The following TRNT1 variants were observed in gnomAD, a reference collection of about 807,000 sequenced individuals.
The protein encoded by TRNT1 is tRNA nucleotidyl transferase 1.
In TRNT1, 44 loss-of-function variants were observed where a neutral mutation model predicts 45.6. That is an observed-to-expected ratio of 0.97 (90% CI 0.76 to 1.24). TRNT1 has a LOEUF of 1.24. TRNT1 is among the 50% of genes most tolerant of loss of function. The probability of loss-of-function intolerance (pLI) is 0.00; values close to 1 mark genes in which losing one functional copy is unlikely to be tolerated. For synonymous variants in TRNT1, 201 were observed against 171.4 expected (o/e 1.17, Z -1.35); for missense variants, 633 against 504.4 (o/e 1.25, Z -2.44).
chr3:3,152,827 T>A (rs780436189), downstream of TRNT1: 1 of 546,384 alleles, frequency 1.8e-6, no homozygotes, highest in Non-Finnish European at 3.3e-6. Flanking sequence ...GAAATAGTAC[T>A]TGTTTTTAAA....
downstream of TRNT1, chr3:3,150,849 T>A (rs563799135): frequency 3.2e-5 from 51 of 1,611,302 alleles, no homozygotes; most frequent in African/African-American, 2.3e-4. Flanking sequence ...GATAACTTTA[T>A]CTCTATCACA....
Position 3,137,423 on chromosome 3 carries a change from A to C in TRNT1, c.312A>C (p.Arg104Ser). 1 of 1,613,238 alleles carries C rather than the reference A, an allele frequency of 6.2e-7. No homozygotes were observed. Among genetic ancestry groups the C allele is most frequent in the Non-Finnish European group, 8.5e-7 (1 of 1,179,658 alleles). Residue 104 changes from arginine (R) to serine (S), a missense_variant, in exon 3 of 8, where the codon AGA (arginine) becomes AGC (serine). Arg to Ser is a moderately radical substitution (Grantham distance 110). Transcript: ENST00000251607. ...QSAGIRMINN[R>S]GEKHGTITAR... ...CTGGGATTCGGATGATAAACAACAG[A>C]GGAGAAAAGCACGGAACAATTACTG...
At position 3,148,318 on chromosome 3, in the gene TRNT1, C is replaced by CAGAG. The variant is rs1271252727; in HGVS notation, c.*166_*169dup. ...TGAATTATATATTTCAAGAACTAAA[C>CAGAG]AGAGATCCACCTTTCTGGATCTGAT... On this transcript the variant is annotated 3_prime_UTR_variant, in exon 8 of 8. Coordinates refer to ENST00000251607, the MANE Select transcript of TRNT1 (RefSeq NM_182916.3). The CAGAG allele has an allele frequency of 1.5e-6, 1 of 659,102 alleles. No individual in the cohort carries two copies. Among genetic ancestry groups the CAGAG allele is most frequent in the Non-Finnish European group, 2.5e-6 (1 of 401,184 alleles). 40.8% of individuals were successfully genotyped at this position (659,102 alleles called of 1,614,324 possible).
chr3:3,136,462 A>C (rs1445167589), intron 2 of TRNT1, among the ~76,000 whole-genome samples: 1 of 152,182 alleles, frequency 6.6e-6, no homozygotes, highest in Non-Finnish European at 1.5e-5. Context: ...TATACAGACC[A>C]TTTCTTGAAG....
rs1575066836 is a variant in TRNT1 at position 3,147,507 on chromosome 3, GT to G, written c.865del (p.Ser289HisfsTer5). On this transcript the variant is annotated frameshift_variant, in exon 7 of 8. Transcript: ENST00000251607. LOFTEE classifies it high-confidence loss of function. ...EFDKVSKNVD[G>X]FSPKPVTLLA... is the part of the protein sequence containing the mutation. Reference sequence around the variant, plus strand: ...GACAAAGTCAGTAAAAATGTTGATGGTTTTTCACCAAAGCCAGTGACTCTTT... The same window carrying G: ...GACAAAGTCAGTAAAAATGTTGATGGTTTTCACCAAAGCCAGTGACTCTTT... 1.2e-5 allele frequency: 20 copies of G among 1,613,714 alleles called. No individual in the cohort carries two copies. Among genetic ancestry groups the G allele is most frequent in the Non-Finnish European group, 1.7e-5 (20 of 1,179,834 alleles).
intron 1 of TRNT1, chr3:3,127,737 GGTTA>G (rs999695831): frequency 9.2e-5 from 14 of 152,396 alleles, no homozygotes; most frequent in African/African-American, 3.1e-4. Context: ...CCAGAAACTC[GGTTA>G]GAGTTTCTAG....
At position 3,147,465 on chromosome 3, in the gene TRNT1, C is replaced by T; in HGVS notation, c.818C>T (p.Ala273Val). The change falls in exon 7 of 8, where the codon GCA (alanine) becomes GTA (valine). Residue 273 changes from alanine to valine, a missense_variant. Transcript: ENST00000251607. Reference sequence around the variant, plus strand: ...GTCCCTACAGGTTTACCTGCTAATGCAAGTTTAGAAGAATTTGACAAAGTC... The same window carrying T: ...GTCCCTACAGGTTTACCTGCTAATGTAAGTTTAGAAGAATTTGACAAAGTC... ...VAPYIGLPAN[A>V]SLEEFDKVSK... The T allele has an allele frequency of 6.2e-7, 1 of 1,613,446 alleles. No individual in the cohort carries two copies.
chr3:3,151,063 G>GAT, downstream of TRNT1: 2 of 1,613,056 alleles, frequency 1.2e-6, no homozygotes, highest in Non-Finnish European at 1.7e-6. Flanking sequence ...ATTAAGGAAA[G>GAT]ATATCAGCTA....
At chr3:3,137,817 T>A (rs1705421564) in intron 3 of TRNT1, among the ~76,000 whole-genome samples, 1 of 152,242 alleles carries the variant, frequency 6.6e-6, no homozygotes, top group Non-Finnish European at 1.5e-5. Context: ...ATTTATATCA[T>A]AATTTTTGGT....
chr3:3,144,948 A>G, intron 5 of TRNT1: 1 of 243,222 alleles, frequency 4.1e-6, no homozygotes, highest in Non-Finnish European at 7.6e-6. Flanking sequence ...ATTTTAAGTC[A>G]TCTTTTTAAA....
In TRNT1 at chr3:3,138,972, T is replaced by A. The variant is rs1162562425; in HGVS notation, c.342+1519T>A. 2.6e-5 allele frequency among the ~76,000 whole-genome samples: 4 copies of A among 151,980 alleles called. No individual in the cohort carries two copies. In the East Asian group the frequency reaches 5.8e-4, roughly 22 times the overall value. On this transcript the variant is annotated intron_variant, in intron 3 of 7. Transcript: ENST00000251607. ...CTCCCAGTCTAAGTCTCAGTAGGAG[T>A]TTTCATTAGGAGAAATCAGAGAAGA... is the stretch of plus-strand genomic sequence containing the variant.
chr3:3,152,484 G>A, downstream of TRNT1: 2 of 1,613,826 alleles, frequency 1.2e-6, no homozygotes, highest in Non-Finnish European at 1.7e-6. Flanking sequence ...TCTGTAGAAG[G>A]CCGGCCTATC....
Position 3,129,053 on chromosome 3 carries a change from C to G in TRNT1, c.13C>G (p.Leu5Val). Residue 5 changes from leucine (L) to valine (V), a missense_variant, in exon 2 of 8, where the codon CTG (leucine) becomes GTG (valine). Transcript: ENST00000251607. Reference protein sequence around the residue: MLRCLYHWHRPVLNR... With the variant: MLRCVYHWHRPVLNR... ...ACTGCCTCTCCAGATGCTGAGGTGC[C>G]TGTATCATTGGCACAGGCCAGTGCT... 1 of 1,610,958 alleles carries G rather than the reference C, an allele frequency of 6.2e-7. No individual in the cohort carries two copies. The highest frequency in any genetic ancestry group is 8.5e-7 in the Non-Finnish European group (1 of 1,178,206).
At chr3:3,146,384 A>C (rs760969528) in intron 5 of TRNT1, 46 bp from the exon 6 acceptor site, 2 of 1,459,890 alleles carry the variant, frequency 1.4e-6, no homozygotes, top group East Asian at 4.6e-5. Flanking sequence ...TTTGCTTGTG[A>C]TATGCCAATA....
chr3:3,144,908 G>A (rs192861271), intron 5 of TRNT1, 198 bp downstream of exon 5: 5 of 333,508 alleles, frequency 1.5e-5, no homozygotes, highest in South Asian at 7.1e-5. Context: ...TTCCCAGAAC[G>A]CACATATACT....
chr3:3,150,787 T>C, downstream of TRNT1: 5 of 1,351,382 alleles, frequency 3.7e-6, no homozygotes, highest in Non-Finnish European at 5.2e-6. Context: ...CTTAGGTATG[T>C]ATCAGAGGCA....
Position 3,140,440 on chromosome 3 carries a change from AT to A in TRNT1, c.343-63del, listed in dbSNP as rs570060570. 4.0e-4 allele frequency: 617 copies of A among 1,525,870 alleles called. 1 individual carries two copies. Among genetic ancestry groups the A allele is most frequent in the South Asian group, 1.3e-3 (103 of 82,068 alleles). The allele number at this position is 1,525,870 out of a possible 1,614,324, so 94.5% of individuals were successfully genotyped here. A position where few individuals can be genotyped will look rare whatever the true frequency, so the allele number is the denominator to read the frequency against. ...CATCCCTTTATAAAGACAAAAACTT[AT>A]TTTTTTCAATTCAGTAGTATGAAAA... On this transcript the variant is annotated intron_variant, in intron 3 of 7. Transcript: ENST00000251607.
In TRNT1 at chr3:3,146,542, G is replaced by C. The variant is rs1180975633; in HGVS notation, c.721G>C (p.Glu241Gln). The change falls in exon 6 of 8, where the codon GAA becomes CAA. Residue 241 changes from glutamate to glutamine, a missense_variant. By Grantham distance (29) the Glu-to-Gln change is conservative (BLOSUM62 2). Transcript: ENST00000251607. ...AGISGERIWV[E>Q]LKKILVGNHV... ...AATATCAGGAGAAAGGATTTGGGTG[G>C]AACTGAAAAAAATTCTTGTTGGTAA... The C allele has an allele frequency of 6.2e-7, 1 of 1,613,646 alleles. No homozygotes were observed. Among genetic ancestry groups the C allele is most frequent in the Non-Finnish European group, 8.5e-7 (1 of 1,179,926 alleles).
intron 2 of TRNT1, among the ~76,000 whole-genome samples, chr3:3,135,380 A>T (rs964338325): frequency 6.6e-6 from 1 of 152,076 alleles, no homozygotes; most frequent in African/African-American, 2.4e-5. Flanking sequence ...TGTTGTGAGT[A>T]GTTAGGAGGA....
Sources: allele counts gnomAD v4.1 joint callset (sites outside exome capture counted in the v4.1 genomes callset), GRCh38; gene constraint gnomAD v4.1.1; transcripts MANE v1.5; gene names NCBI Gene and HGNC (gene_info 2026-07-23, HGNC 2026-07-21).